FOXP1: variants seen among roughly 807,000 people sequenced by gnomAD.
The protein encoded by FOXP1 is forkhead box protein P1.
In FOXP1, 15 loss-of-function variants were observed where a neutral mutation model predicts 98.2. The ratio of observed to expected loss-of-function variants is 0.15; its 90% confidence interval spans 0.10 to 0.24. The LOEUF (loss-of-function observed/expected upper bound fraction) is 0.24. Ranked by LOEUF, FOXP1 falls within the 10% of genes least tolerant of loss-of-function variation. The pLI, the probability that FOXP1 is intolerant of heterozygous loss-of-function variation, is 1.00. For synonymous variants in FOXP1, 371 were observed against 314.5 expected, an observed-to-expected ratio of 1.18 and a Z score of -1.90; for missense variants, 633 against 848.5, an observed-to-expected ratio of 0.75 and a Z score of 3.15.
chr3:71,050,408 TA>T (rs1352908987), intron 9 of FOXP1, among the ~76,000 whole-genome samples: 2 of 152,196 alleles, frequency 1.3e-5, no homozygotes, highest in African/African-American at 4.8e-5. Flanking sequence ...TGGTAACTGA[TA>T]AGAATGACAG....
At chr3:71,572,306 G>C (rs760987431) in intron 2 of FOXP1, 11 of 152,064 alleles carry the variant, frequency 7.2e-5, no homozygotes, top group Non-Finnish European at 1.2e-4. Flanking sequence ...CCAAAACACA[G>C]ACAAATGAAC....
intron 19 of FOXP1, among the ~76,000 whole-genome samples, chr3:70,967,710 G>GTTTTTTTTTTTTTT (rs756777959): frequency 7.3e-5 from 5 of 68,874 alleles, no homozygotes; most frequent in Admixed American, 2.0e-4. Context: ...GTTTTTTTTT[G>GTTTTTTTTTTTTTT]TTTTTTTTTT....
At chr3:71,313,427 A>G (rs1247188720) in intron 4 of FOXP1, among the ~76,000 whole-genome samples, 1 of 152,180 alleles carries the variant, frequency 6.6e-6, no homozygotes, top group Non-Finnish European at 1.5e-5. Context: ...ATTGGCTGAA[A>G]ACAGGCTATC....
intron 7 of FOXP1, among the ~76,000 whole-genome samples, chr3:71,089,215 A>C (rs1307182553): frequency 6.6e-6 from 1 of 152,198 alleles, no homozygotes; most frequent in Non-Finnish European, 1.5e-5. Flanking sequence ...AAGTAATGGT[A>C]TGTGATTTCC....
chr3:71,433,367 G>A (rs536815196), intron 3 of FOXP1, among the ~76,000 whole-genome samples: 10 of 152,244 alleles, frequency 6.6e-5, no homozygotes, highest in Admixed American at 2.0e-4. Flanking sequence ...AACACTCTAC[G>A]TGTCTATCAG....
intron 3 of FOXP1, among the ~76,000 whole-genome samples, chr3:71,427,421 G>A (rs1406829139): frequency 3.3e-5 from 5 of 152,326 alleles, no homozygotes; most frequent in African/African-American, 1.2e-4. Flanking sequence ...CATGTAAAGC[G>A]TAAAGCTAGC....
chr3:70,967,710 G>GT (rs756777959), intron 19 of FOXP1, among the ~76,000 whole-genome samples: 822 of 68,818 alleles, frequency 0.012, 21 homozygotes, highest in East Asian at 0.029. Context: ...GTTTTTTTTT[G>GT]TTTTTTTTTT....
At chr3:71,275,763 A>G (rs1252748489) in intron 5 of FOXP1, among the ~76,000 whole-genome samples, 1 of 152,184 alleles carries the variant, frequency 6.6e-6, no homozygotes, top group Admixed American at 6.5e-5. Context: ...GAGTTACACA[A>G]TGTAGTAATC....
chr3:71,260,537 A>AT (rs35677326), intron 5 of FOXP1, among the ~76,000 whole-genome samples: 79,659 of 142,948 alleles, frequency 0.56, 22,050 homozygotes, highest in Middle Eastern at 0.67. Context: ...ATTTCCTTTA[A>AT]TTTTTTTTTT....
chr3:71,534,260 G>C (rs1488248446), intron 2 of FOXP1, among the ~76,000 whole-genome samples: 2 of 152,166 alleles, frequency 1.3e-5, no homozygotes, highest in Non-Finnish European at 2.9e-5. Context: ...CTACTCAGGA[G>C]GCCAAGGCAG....
chr3:71,221,449 G>C (rs1023311770), intron 5 of FOXP1, among the ~76,000 whole-genome samples: 1 of 152,174 alleles, frequency 6.6e-6, no homozygotes, highest in Non-Finnish European at 1.5e-5. Flanking sequence ...AGGATGATAC[G>C]AAGATGGCGA....
intron 3 of FOXP1, among the ~76,000 whole-genome samples, chr3:71,412,515 T>G (rs1343524727): frequency 6.6e-6 from 1 of 151,992 alleles, no homozygotes; most frequent in Non-Finnish European, 1.5e-5. Context: ...GACTAAAACA[T>G]AAAGCCAAAG....
chr3:71,272,971 C>T (rs1400263312), intron 5 of FOXP1, among the ~76,000 whole-genome samples: 2 of 152,142 alleles, frequency 1.3e-5, no homozygotes, highest in East Asian at 1.9e-4. Context: ...TTGCTCTCTC[C>T]CTCCCCCAGT....
chr3:70,991,922 T>TGA (rs2040661648), intron 13 of FOXP1, among the ~76,000 whole-genome samples: 1 of 152,214 alleles, frequency 6.6e-6, no homozygotes, highest in Non-Finnish European at 1.5e-5. Context: ...ATCATAGGTC[T>TGA]TAGTCTCCCT....
chr3:70,966,367 C>A (rs1033174915), intron 19 of FOXP1: 3 of 377,654 alleles, frequency 7.9e-6, no homozygotes, highest in African/African-American at 2.1e-5. Flanking sequence ...ATGTCGGATG[C>A]GTTTTTAAGA....
chr3:71,280,099 C>T (rs533876997), intron 5 of FOXP1, among the ~76,000 whole-genome samples: 4 of 132,950 alleles, frequency 3.0e-5, no homozygotes, highest in South Asian at 4.9e-4. Flanking sequence ...CTCCAGCCTG[C>T]GCAACAGAGT....
chr3:71,225,994 T>C (rs1041435632), intron 5 of FOXP1, among the ~76,000 whole-genome samples: 2 of 152,176 alleles, frequency 1.3e-5, no homozygotes, highest in Non-Finnish European at 2.9e-5. Context: ...TAGAAACAAA[T>C]GGTAGCTTTG....
intron 4 of FOXP1, among the ~76,000 whole-genome samples, chr3:71,317,902 G>T (rs2075171397): frequency 6.6e-6 from 1 of 151,172 alleles, no homozygotes; most frequent in South Asian, 2.1e-4. Flanking sequence ...AGCAAGAACA[G>T]CTTAGTTTAC....
Position 71,445,929 on chromosome 3 carries a change from C to T in FOXP1, c.-168+47497G>A, listed in dbSNP as rs139848126. Among the ~76,000 whole-genome samples the T allele has an allele frequency of 5.0e-3, 763 of 152,234 alleles. 6 individuals carry two copies. Among genetic ancestry groups the T allele is most frequent in the Non-Finnish European group, 7.5e-3 (509 of 68,022 alleles). ...CTCAAACTCCTGCCGTCAGGTGATCCGCCCACCTTGGCCTCCCAAAGTGCT... is the reference window on the plus strand; with the variant it reads ...CTCAAACTCCTGCCGTCAGGTGATCTGCCCACCTTGGCCTCCCAAAGTGCT... On this transcript the variant is annotated intron_variant, in intron 3 of 20. Transcript: ENST00000649528.
Sources: allele counts gnomAD v4.1 joint callset (sites outside exome capture counted in the v4.1 genomes callset), GRCh38; gene constraint gnomAD v4.1.1; transcripts MANE v1.5; gene names NCBI Gene and HGNC (gene_info 2026-07-23, HGNC 2026-07-21).